THEMIS: variants seen among roughly 807,000 people sequenced by gnomAD.
The protein encoded by THEMIS is protein THEMIS.
In THEMIS, 37 loss-of-function variants were observed where a neutral mutation model predicts 52.6. The ratio of observed to expected loss-of-function variants is 0.70; its 90% CI spans 0.54 to 0.93. The LOEUF (loss-of-function observed/expected upper bound fraction) is 0.93. Among genes scored for constraint, THEMIS ranks in the 40% least tolerant of loss-of-function variants. The pLI is 0.00. For missense variants in THEMIS, 808 were observed against 763.1 expected (o/e 1.06, Z -0.69); for synonymous variants, 292 against 272.7 (o/e 1.07, Z -0.70).
intron 4 of THEMIS, among the ~76,000 whole-genome samples, chr6:127,773,293 C>A (rs1019333155): frequency 6.6e-6 from 1 of 152,146 alleles, no homozygotes; most frequent in Non-Finnish European, 1.5e-5. Context: ...CCATTTTGAT[C>A]ATCACAAAGA....
Position 127,738,564 on chromosome 6 carries a change from G to A in THEMIS, c.1759-18741C>T, listed in dbSNP as rs1445645. ...TTGTAAATTCCAGACTACTACCTAC[G>A]ACCTTGACGATTATTCTGCAACTCC... On this transcript the variant is annotated intron_variant, in intron 4 of 5. Coordinates refer to ENST00000368248, the MANE Select transcript of THEMIS (RefSeq NM_001010923.3). Among the ~76,000 whole-genome samples, 800 of 152,104 alleles carry A rather than the reference G, an allele frequency of 5.3e-3. 8 individuals carry two copies. The highest frequency in any genetic ancestry group is 0.018 in the African/African-American group (766 of 41,474).
chr6:127,713,474 A>G lies in THEMIS; in HGVS notation c.1895-3458T>C, dbSNP rs957515177. On this transcript the variant is annotated intron_variant, in intron 5 of 5. Coordinates refer to ENST00000368248, the MANE Select transcript of THEMIS (RefSeq NM_001010923.3). ...ACACTTTCCTATAACCTAAGGATAG[A>G]GCAAACTGATAAAAAATCCCTGCCT... Among the ~76,000 whole-genome samples, 8 of 151,902 alleles carry G rather than the reference A, an allele frequency of 5.3e-5. 1 individual carries two copies. Among genetic ancestry groups the G allele is most frequent in the Admixed American group, 3.9e-4 (6 of 15,228 alleles).
At chr6:127,854,678 G>C (rs1779555908) in intron 2 of THEMIS, among the ~76,000 whole-genome samples, 1 of 151,750 alleles carries the variant, frequency 6.6e-6, no homozygotes, top group Non-Finnish European at 1.5e-5. Context: ...GGGTAGATAG[G>C]CTTAAATGAT....
chr6:127,740,410 A>T (rs542334806), intron 4 of THEMIS, among the ~76,000 whole-genome samples: 1 of 141,698 alleles, frequency 7.1e-6, no homozygotes, highest in Admixed American at 6.8e-5. Context: ...AAATGTTGCT[A>T]AAAAAAACTT....
the THEMIS span, among the ~76,000 whole-genome samples, chr6:127,699,218 C>T: frequency 1.3e-5 from 2 of 151,708 alleles, no homozygotes; most frequent in Admixed American, 6.6e-5. Context: ...TAATTTATTT[C>T]TCATCACAGT....
intron 4 of THEMIS, among the ~76,000 whole-genome samples, chr6:127,720,525 C>T (rs997135282): frequency 7.9e-5 from 12 of 151,868 alleles, no homozygotes; most frequent in African/African-American, 2.4e-4. Context: ...TTAATTCATA[C>T]CCAAGTCCAG....
At chr6:127,759,205 CAT>C (rs955758879) in intron 4 of THEMIS, among the ~76,000 whole-genome samples, 7 of 152,034 alleles carry the variant, frequency 4.6e-5, no homozygotes, top group Non-Finnish European at 7.4e-5. Context: ...AAGAAAATTG[CAT>C]ATACTAAACT....
At chr6:127,765,903 G>A (rs145359346) in intron 4 of THEMIS, among the ~76,000 whole-genome samples, 6 of 151,874 alleles carry the variant, frequency 4.0e-5, no homozygotes, top group South Asian at 2.1e-4. Context: ...GTCAATAATC[G>A]GTGCATACAT....
At chr6:127,742,758 G>C (rs116716176) in intron 4 of THEMIS, among the ~76,000 whole-genome samples, 1,805 of 152,168 alleles carry the variant, frequency 0.012, 24 homozygotes, top group African/African-American at 0.04. Context: ...TGGTTGTCAG[G>C]GGCTGGGGGT....
chr6:127,789,606 C>T (rs1777092266), intron 4 of THEMIS, among the ~76,000 whole-genome samples: 1 of 152,144 alleles, frequency 6.6e-6, no homozygotes, highest in African/African-American at 2.4e-5. Context: ...TCCTGATGAA[C>T]ATCAATACAA....
intron 4 of THEMIS, among the ~76,000 whole-genome samples, chr6:127,789,626 A>G: frequency 6.6e-6 from 1 of 152,194 alleles, no homozygotes; most frequent in Admixed American, 6.5e-5. Flanking sequence ...AAAATCCTCA[A>G]CATAATACTG....
intron 1 of THEMIS, among the ~76,000 whole-genome samples, chr6:127,914,300 C>T (rs769496331): frequency 2.0e-5 from 3 of 152,080 alleles, no homozygotes; most frequent in Admixed American, 1.3e-4. Context: ...CTCCTGGAAA[C>T]GCATGTCTGT....
chr6:127,807,788 T>C (rs969647820), intron 4 of THEMIS, among the ~76,000 whole-genome samples: 3 of 152,150 alleles, frequency 2.0e-5, no homozygotes, highest in African/African-American at 7.2e-5. Context: ...AACAAACAAG[T>C]GGGTATAATA....
intron 3 of THEMIS, among the ~76,000 whole-genome samples, chr6:127,815,260 T>C (rs1271437884): frequency 1.3e-5 from 2 of 152,206 alleles, no homozygotes; most frequent in Non-Finnish European, 2.9e-5. Context: ...TATAGCATTT[T>C]CATGATATGG....
intron 4 of THEMIS, among the ~76,000 whole-genome samples, chr6:127,725,953 T>G (rs1774530543): frequency 6.6e-6 from 1 of 152,122 alleles, no homozygotes; most frequent in Non-Finnish European, 1.5e-5. Context: ...AGCTGTGACC[T>G]TCCCAGGTGA....
At chr6:127,897,092 A>G (rs922777404) in intron 1 of THEMIS, among the ~76,000 whole-genome samples, 1 of 151,502 alleles carries the variant, frequency 6.6e-6, no homozygotes, top group Non-Finnish European at 1.5e-5. Context: ...CACTGCACCA[A>G]TTGACTCTGT....
At chr6:127,884,595 C>A (rs186440496) in intron 1 of THEMIS, among the ~76,000 whole-genome samples, 1 of 152,276 alleles carries the variant, frequency 6.6e-6, no homozygotes, top group East Asian at 1.9e-4. Context: ...TTTCTGTCTG[C>A]ACAGCTGCTA....
chr6:127,870,071 G>C (rs1270671155), intron 1 of THEMIS, among the ~76,000 whole-genome samples: 1 of 152,162 alleles, frequency 6.6e-6, no homozygotes, highest in Admixed American at 6.5e-5. Flanking sequence ...CCCCTGTCAG[G>C]GAAATCAGGA....
At chr6:127,803,124 T>C (rs930447702) in intron 4 of THEMIS, among the ~76,000 whole-genome samples, 3 of 152,178 alleles carry the variant, frequency 2.0e-5, no homozygotes, top group Non-Finnish European at 4.4e-5. Flanking sequence ...CTCTCTCTTA[T>C]ATTATTGTTT....
Sources: gnomAD v4.1 joint callset for allele counts (sites outside exome capture counted in the v4.1 genomes callset) on GRCh38, gnomAD v4.1.1 for gene constraint, MANE v1.5 for transcripts, NCBI Gene and HGNC (gene_info 2026-07-23, HGNC 2026-07-21) for gene names.